Variants in MARCHF1 observed in about 807,000 individuals in gnomAD.
MARCHF1 encodes membrane associated ring-CH-type finger 1, also known as E3 ubiquitin-protein ligase MARCHF1.
MARCHF1 carries 40 observed loss-of-function variants against 54.2 expected under a neutral mutation model. The ratio of observed to expected loss-of-function variants is 0.74; its 90% CI spans 0.57 to 0.96. MARCHF1 has a LOEUF of 0.96. MARCHF1 is among the 40% of genes least tolerant of loss of function. The probability of loss-of-function intolerance (pLI) is 0.00; values close to 1 mark genes in which losing one functional copy is unlikely to be tolerated. For synonymous variants in MARCHF1, 236 were observed against 236.3 expected (o/e 1.00, Z 0.01); for missense variants, 586 against 656.5 (o/e 0.89, Z 1.17).
At chr4:163,700,960 T>G in intron 4 of MARCHF1, 97 bp from the exon 5 acceptor site, 1 of 788,294 alleles carries the variant, frequency 1.3e-6, no homozygotes, top group Non-Finnish European at 2.1e-6. Context: ...AGGAAATCTG[T>G]GAATGCTCTC....
chr4:163,816,982 C>T (rs1380253116), intron 4 of MARCHF1, among the ~76,000 whole-genome samples: 2 of 152,098 alleles, frequency 1.3e-5, no homozygotes, highest in East Asian at 1.9e-4. Flanking sequence ...TGAAGGCCCA[C>T]AGCCAAGAGG....
intron 1 of MARCHF1, among the ~76,000 whole-genome samples, chr4:164,219,215 T>C (rs527715570): frequency 1.1e-5 from 1 of 87,808 alleles, no homozygotes; most frequent in East Asian, 2.8e-4. Flanking sequence ...GGAAGACATA[T>C]TAAAATTAAA....
intron 1 of MARCHF1, among the ~76,000 whole-genome samples, chr4:164,259,871 C>A (rs1385540724): frequency 3.3e-5 from 5 of 152,132 alleles, no homozygotes; most frequent in African/African-American, 1.2e-4. Context: ...ATTTGCATAT[C>A]CTACACCTAT....
At chr4:163,654,718 T>G (rs1743080882) in intron 5 of MARCHF1, among the ~76,000 whole-genome samples, 1 of 151,722 alleles carries the variant, frequency 6.6e-6, no homozygotes, top group Admixed American at 6.6e-5. Context: ...TCTATCTATT[T>G]ACTTTCGATC....
chr4:164,072,134 G>T (rs561605258), intron 2 of MARCHF1, among the ~76,000 whole-genome samples: 1 of 152,094 alleles, frequency 6.6e-6, no homozygotes, highest in Non-Finnish European at 1.5e-5. Flanking sequence ...TGGCTCCTTC[G>T]CCATTTGATA....
intron 1 of MARCHF1, among the ~76,000 whole-genome samples, chr4:164,338,459 A>T (rs898943844): frequency 4.6e-5 from 7 of 152,342 alleles, no homozygotes; most frequent in African/African-American, 1.7e-4. Flanking sequence ...AATTGGATCA[A>T]ATTCTCAAAA....
intron 2 of MARCHF1, among the ~76,000 whole-genome samples, chr4:164,105,692 G>A (rs1183607250): frequency 1.1e-5 from 1 of 90,782 alleles, no homozygotes; most frequent in Non-Finnish European, 2.3e-5. Context: ...TACCATTCAG[G>A]ACATACGCAT....
chr4:163,760,367 C>G (rs115006294), intron 4 of MARCHF1, among the ~76,000 whole-genome samples: 289 of 152,312 alleles, frequency 1.9e-3, no homozygotes, highest in African/African-American at 6.5e-3. Flanking sequence ...TTTTAATTTT[C>G]TATTGCCATA....
chr4:163,622,363 A>G (rs1440096013), intron 5 of MARCHF1, among the ~76,000 whole-genome samples: 1 of 152,112 alleles, frequency 6.6e-6, no homozygotes, highest in African/African-American at 2.4e-5. Flanking sequence ...CCAGTATATC[A>G]GGAAATGGAA....
chr4:164,064,206 A>G (rs1302940166), intron 2 of MARCHF1, among the ~76,000 whole-genome samples: 1 of 152,188 alleles, frequency 6.6e-6, no homozygotes, highest in Admixed American at 6.5e-5. Context: ...AAGAATGTCA[A>G]TTGTAATTTA....
chr4:164,236,505 A>G (rs997231113), intron 1 of MARCHF1, among the ~76,000 whole-genome samples: 6 of 152,060 alleles, frequency 3.9e-5, no homozygotes, highest in African/African-American at 1.4e-4. Flanking sequence ...AACAAAAAGC[A>G]CTAAAATGGG....
intron 5 of MARCHF1, among the ~76,000 whole-genome samples, chr4:163,697,890 A>T (rs1410313941): frequency 1.3e-5 from 2 of 152,190 alleles, no homozygotes; most frequent in African/African-American, 4.8e-5. Context: ...TTATTATTAC[A>T]CCTAGAAAAC....
chr4:163,833,085 T>C (rs1440989639), intron 4 of MARCHF1, among the ~76,000 whole-genome samples: 1 of 152,076 alleles, frequency 6.6e-6, no homozygotes, highest in Non-Finnish European at 1.5e-5. Context: ...GCATGATTTA[T>C]AGTCCTTTGG....
At chr4:164,172,939 C>G (rs1489820165) in intron 1 of MARCHF1, among the ~76,000 whole-genome samples, 1 of 146,570 alleles carries the variant, frequency 6.8e-6, no homozygotes, top group Non-Finnish European at 1.5e-5. Flanking sequence ...CGAGATCACG[C>G]CACTGCACTC....
chr4:164,172,867 G>A (rs1179231906), intron 1 of MARCHF1, among the ~76,000 whole-genome samples: 1 of 151,832 alleles, frequency 6.6e-6, no homozygotes, highest in African/African-American at 2.4e-5. Flanking sequence ...TGTAGTCCCA[G>A]CTACTCAGGA....
chr4:164,315,309 C>T (rs775320909), intron 1 of MARCHF1, among the ~76,000 whole-genome samples: 9 of 150,142 alleles, frequency 6.0e-5, no homozygotes, highest in African/African-American at 2.0e-4. Flanking sequence ...AATGCAGAAG[C>T]AATGAAAAGA....
At chr4:163,896,816 G>C (rs1750816886) in intron 3 of MARCHF1, among the ~76,000 whole-genome samples, 1 of 152,114 alleles carries the variant, frequency 6.6e-6, no homozygotes, top group African/African-American at 2.4e-5. Flanking sequence ...CACAGGATTG[G>C]GAGGTAAGAG....
chr4:163,867,595 A>G (rs1750080999), intron 3 of MARCHF1, among the ~76,000 whole-genome samples: 1 of 151,806 alleles, frequency 6.6e-6, no homozygotes, highest in African/African-American at 2.4e-5. Flanking sequence ...TACCTGAAAA[A>G]TGACTCAGAT....
intron 3 of MARCHF1, among the ~76,000 whole-genome samples, chr4:163,952,709 A>G (rs1439901479): frequency 1.3e-5 from 2 of 152,202 alleles, no homozygotes; most frequent in African/African-American, 4.8e-5. Context: ...AGTCAATGGT[A>G]TATGAAAGAC....
Sources: gnomAD v4.1 joint callset for allele counts (sites outside exome capture counted in the v4.1 genomes callset) on GRCh38, gnomAD v4.1.1 for gene constraint, MANE v1.5 for transcripts, NCBI Gene and HGNC (gene_info 2026-07-23, HGNC 2026-07-21) for gene names.